Variants in CLIC6 observed in about 807,000 individuals in gnomAD.
CLIC6 encodes the protein CLIC family member 6.
Under a neutral mutation model 49.2 loss-of-function variants are expected in CLIC6, and 39 were observed. The observed-to-expected ratio is 0.79, with a 90% CI of 0.61 to 1.04. CLIC6 has a LOEUF of 1.04. Among genes scored for constraint, CLIC6 ranks in the 50% least tolerant of loss-of-function variants. The pLI is 0.00. For missense variants in CLIC6, 988 were observed against 993.1 expected (o/e 0.99, Z 0.07); for synonymous variants, 446 against 433.4 (o/e 1.03, Z -0.36).
chr21:34,711,528 C>CAAATAAAT (rs35370301), intron 5 of CLIC6, among the ~76,000 whole-genome samples: 17 of 148,418 alleles, frequency 1.1e-4, no homozygotes, highest in South Asian at 2.2e-4. Flanking sequence ...AATAAACAAA[C>CAAATAAAT]AAATAAATAA....
Position 34,669,657 on chromosome 21 carries a change from C to G in CLIC6, c.269C>G (p.Pro90Arg), listed in dbSNP as rs571614304. Residue 90 changes from proline to arginine, a missense_variant, in exon 1 of 6, where the codon CCG becomes CGG. Transcript: ENST00000349499. ...GAGACTGAGGCCGAGGAGGGAGCCC[C>G]GGAGGGTGCCGAGGTGCCCCAAGGA... ...HGETEAEEGA[P>R]EGAEVPQGGE... The G allele has an allele frequency of 3.8e-6, 5 of 1,325,164 alleles. No homozygotes were observed. The highest frequency in any genetic ancestry group is 3.1e-5 in the East Asian group (1 of 31,862). 82.1% of individuals were successfully genotyped at this position (1,325,164 alleles called of 1,614,324 possible). A position where few individuals can be genotyped will look rare whatever the true frequency, so the allele number is the denominator to read the frequency against.
At chr21:34,708,862 G>A in intron 4 of CLIC6, 56 bp downstream of exon 4, 3 of 1,252,480 alleles carry the variant, frequency 2.4e-6, no homozygotes, top group Non-Finnish European at 3.5e-6. Context: ...TCTTAGCATG[G>A]CGGCCCATAC....
At chr21:34,707,178 C>T (rs1416562711) in intron 1 of CLIC6, 102 bp from the exon 2 acceptor site, 3 of 902,472 alleles carry the variant, frequency 3.3e-6, no homozygotes, top group African/African-American at 1.6e-5. Flanking sequence ...AGCATCCTGA[C>T]CGTTCTTATC....
rs542874017 is a variant in CLIC6, at chr21:34,705,242, T to G, written c.1375-2038T>G. ...TTGGCTTGACTGCTCAAACCTGCAG[T>G]AGTTAAGAAAGTTCCACGGTTTAAG... is the stretch of plus-strand genomic sequence containing the variant. On this transcript the variant is annotated intron_variant, in intron 1 of 5. Transcript: ENST00000349499. Among the ~76,000 whole-genome samples, 5 of 152,222 alleles carry G rather than the reference T, an allele frequency of 3.3e-5. No homozygotes were observed. The South Asian group carries it at 1.0e-3, about 32-fold the overall frequency.
intron 1 of CLIC6, among the ~76,000 whole-genome samples, chr21:34,700,458 A>AAG (rs1555878736): frequency 7.2e-6 from 1 of 139,676 alleles, no homozygotes; most frequent in African/African-American, 2.8e-5. Context: ...AAAAAAAAAA[A>AAG]AAAAGAAAAG....
At chr21:34,714,187 G>A (rs1215716432) in intron 5 of CLIC6, among the ~76,000 whole-genome samples, 2 of 152,156 alleles carry the variant, frequency 1.3e-5, no homozygotes, top group African/African-American at 4.8e-5. Flanking sequence ...AAAAGAACAG[G>A]CCCTAAACAG....
chr21:34,695,759 G>A (rs938104009), intron 1 of CLIC6, among the ~76,000 whole-genome samples: 1 of 152,182 alleles, frequency 6.6e-6, no homozygotes. Flanking sequence ...TTTATTGAAA[G>A]CTATTCATAG....
intron 2 of CLIC6, among the ~76,000 whole-genome samples, chr21:34,707,740 C>G (rs1277284579): frequency 6.6e-6 from 1 of 152,158 alleles, no homozygotes; most frequent in Non-Finnish European, 1.5e-5. Context: ...GCTCCGTATT[C>G]ACAAAGGGGC....
intron 1 of CLIC6, among the ~76,000 whole-genome samples, chr21:34,684,593 C>T (rs544138131): frequency 7.9e-5 from 12 of 152,278 alleles, no homozygotes; most frequent in African/African-American, 2.6e-4. Flanking sequence ...TCACCTAAGC[C>T]AGTGATGTCT....
chr21:34,713,362 A>T (rs2056068694), intron 5 of CLIC6, among the ~76,000 whole-genome samples: 1 of 152,224 alleles, frequency 6.6e-6, no homozygotes, highest in African/African-American at 2.4e-5. Context: ...CACAAAGGGG[A>T]TGGAAATCAG....
intron 1 of CLIC6, among the ~76,000 whole-genome samples, chr21:34,691,859 G>T (rs1208485859): frequency 6.6e-6 from 1 of 152,112 alleles, no homozygotes; most frequent in East Asian, 1.9e-4. Flanking sequence ...TGTTCTTTTT[G>T]CCCTTTAAAA....
In CLIC6 at chr21:34,707,400, G is replaced by T. The variant is rs1197242754; in HGVS notation, c.1484+11G>T. 8 of 1,529,080 alleles carry T rather than the reference G, an allele frequency of 5.2e-6. No individual in the cohort carries two copies. Among genetic ancestry groups the T allele is most frequent in the Non-Finnish European group, 6.3e-6 (7 of 1,103,778 alleles). The allele number at this position is 1,529,080 out of a possible 1,614,324, so 94.7% of individuals were successfully genotyped here. On this transcript the variant is annotated intron_variant, in intron 2 of 5. Transcript: ENST00000349499. Reference sequence around the variant, plus strand: ...AGTGGACCTGAAAAGGTAAGACAAGGCGTCTGCCTTACTGAAATAACTGTA... The same window carrying T: ...AGTGGACCTGAAAAGGTAAGACAAGTCGTCTGCCTTACTGAAATAACTGTA...
chr21:34,686,617 T>C (rs1176379524), intron 1 of CLIC6, among the ~76,000 whole-genome samples: 1 of 152,220 alleles, frequency 6.6e-6, no homozygotes, highest in African/African-American at 2.4e-5. Context: ...TGGGTGATTT[T>C]TGTCCTGCAA....
chr21:34,700,274 C>T (rs746434341), intron 1 of CLIC6, among the ~76,000 whole-genome samples: 11 of 142,936 alleles, frequency 7.7e-5, no homozygotes, highest in Admixed American at 2.7e-4. Flanking sequence ...GGTGAAACCC[C>T]GTCTCTACTA....
chr21:34,670,309 G>C lies in CLIC6; in HGVS notation c.921G>C (p.Gln307His). The change falls in exon 1 of 6, where the codon CAG becomes CAC. Residue 307 changes from glutamine to histidine, a missense_variant. Gln to His is a conservative substitution (Grantham distance 24). Transcript: ENST00000349499. ...CGGGGGACGGCAGCCTCTCGCCCCA[G>C]GCCGAGGCAATTGAGGTCGCAGCCG... ...QQSGDGSLSP[Q>H]AEAIEVAAGE... 2 of 1,446,760 alleles carry C rather than the reference G, an allele frequency of 1.4e-6. No individual in the cohort carries two copies. The highest frequency in any genetic ancestry group is 2.7e-5 in the East Asian group (1 of 36,884). 89.6% of individuals were successfully genotyped at this position (1,446,760 alleles called of 1,614,324 possible). A position where few individuals can be genotyped will look rare whatever the true frequency, so the allele number is the denominator to read the frequency against.
intron 4 of CLIC6, among the ~76,000 whole-genome samples, chr21:34,709,114 A>G (rs550786571): frequency 9.8e-5 from 15 of 152,354 alleles, no homozygotes; most frequent in Admixed American, 2.6e-4. Context: ...CAGGCTTTCC[A>G]TAAGTATTTT....
At chr21:34,709,068 T>C (rs1363199766) in intron 4 of CLIC6, among the ~76,000 whole-genome samples, 1 of 152,248 alleles carries the variant, frequency 6.6e-6, no homozygotes, top group African/African-American at 2.4e-5. Context: ...ATGGGAATCA[T>C]GTTCAATGAT....
At chr21:34,714,983 G>T (rs2056078266) in intron 5 of CLIC6, among the ~76,000 whole-genome samples, 1 of 152,230 alleles carries the variant, frequency 6.6e-6, no homozygotes, top group East Asian at 1.9e-4. Context: ...CAAGAAGTTG[G>T]CATTCAAGGA....
At chr21:34,698,622 G>A (rs1363891522) in intron 1 of CLIC6, among the ~76,000 whole-genome samples, 3 of 152,120 alleles carry the variant, frequency 2.0e-5, no homozygotes, top group Non-Finnish European at 2.9e-5. Context: ...TCTAGGCGTC[G>A]TATGTGTACC....
Sources: allele counts gnomAD v4.1 joint callset (sites outside exome capture counted in the v4.1 genomes callset), GRCh38; gene constraint gnomAD v4.1.1; transcripts MANE v1.5; gene names NCBI Gene and HGNC (gene_info 2026-07-23, HGNC 2026-07-21).